The following LRCH3 variants were observed in gnomAD, a reference collection of about 807,000 sequenced individuals.
LRCH3 encodes leucine rich repeats and calponin homology domain containing 3.
A neutral mutation model predicts 104.5 loss-of-function variants in LRCH3; 68 were observed. The ratio of observed to expected loss-of-function variants is 0.65; its 90% CI spans 0.54 to 0.80. LRCH3 has a LOEUF of 0.80. Ranked by LOEUF, LRCH3 falls within the 30% of genes least tolerant of loss-of-function variation. The pLI, the probability that LRCH3 is intolerant of heterozygous loss-of-function variation, is 0.00. For missense variants in LRCH3, 951 were observed against 953.9 expected, an observed-to-expected ratio of 1.00 and a Z score of 0.04; for synonymous variants, 344 against 361.3, an observed-to-expected ratio of 0.95 and a Z score of 0.54.
rs1733057394 is a variant in LRCH3 at position 197,810,981 on chromosome 3, T to G, written c.263-3927T>G. Among the ~76,000 whole-genome samples the G allele has an allele frequency of 6.6e-6, 1 of 152,166 alleles. No homozygotes were observed. The highest frequency in any genetic ancestry group is 2.4e-5 in the African/African-American group (1 of 41,456). ...AGCTAAAATGATTTTTATTGCATTATCTCAGTAAAATTTTCATGGGAATGG... is the reference window on the plus strand; with the variant it reads ...AGCTAAAATGATTTTTATTGCATTAGCTCAGTAAAATTTTCATGGGAATGG... On this transcript the variant is annotated intron_variant, in intron 1 of 20. Transcript: ENST00000425562. This position sits in a 1 kb window ranked among gnomAD's most constrained non-coding sequence, Gnocchi z 4.0.
chr3:197,850,356 T>C (rs960206071), intron 12 of LRCH3: 9 of 905,622 alleles, frequency 9.9e-6, no homozygotes, highest in African/African-American at 8.6e-5. Flanking sequence ...TTTTTCTTTT[T>C]TTTTTTTTTT....
intron 10 of LRCH3, among the ~76,000 whole-genome samples, chr3:197,840,498 G>C (rs751335114): frequency 6.6e-6 from 1 of 152,186 alleles, no homozygotes; most frequent in East Asian, 1.9e-4. Context: ...TAGCTTGATC[G>C]TTTAGAGCAC....
intron 14 of LRCH3, among the ~76,000 whole-genome samples, chr3:197,855,921 A>G (rs986199410): frequency 6.6e-6 from 1 of 152,146 alleles, no homozygotes; most frequent in Non-Finnish European, 1.5e-5. Flanking sequence ...AAAACCTCAT[A>G]TTATCAAAAC....
intron 4 of LRCH3, among the ~76,000 whole-genome samples, chr3:197,820,837 A>AGT (rs1327532823): frequency 2.0e-5 from 3 of 150,966 alleles, no homozygotes; most frequent in East Asian, 1.9e-4. Context: ...AGAGAGAGAG[A>AGT]GTGTGTGTGT....
intron 9 of LRCH3, among the ~76,000 whole-genome samples, chr3:197,837,661 ATTT>A (rs749440877): frequency 2.3e-4 from 34 of 150,266 alleles, no homozygotes; most frequent in South Asian, 8.4e-4. Context: ...ACATGGTATG[ATTT>A]TTTTTTTAAT....
chr3:197,879,546 T>G (rs929132020), intron 20 of LRCH3, among the ~76,000 whole-genome samples: 5 of 151,584 alleles, frequency 3.3e-5, no homozygotes, highest in Non-Finnish European at 7.4e-5. Context: ...CTCGGGAGGC[T>G]GAGGCGGGAG....
intron 19 of LRCH3, among the ~76,000 whole-genome samples, chr3:197,872,057 GT>G (rs1712254960): frequency 6.6e-6 from 1 of 152,174 alleles, no homozygotes; most frequent in Non-Finnish European, 1.5e-5. Flanking sequence ...TCTAACTGCA[GT>G]TTAGAATGAC....
intron 19 of LRCH3, among the ~76,000 whole-genome samples, chr3:197,872,226 A>G (rs1039907025): frequency 6.6e-6 from 1 of 151,892 alleles, no homozygotes; most frequent in Non-Finnish European, 1.5e-5. Flanking sequence ...GTATGGTGGC[A>G]TGTGCCTATA....
chr3:197,835,634 GGTGTGTGTGT>G (rs372783553), intron 8 of LRCH3, 30 bp from the exon 9 acceptor site: 23 of 1,324,664 alleles, frequency 1.7e-5, no homozygotes, highest in Non-Finnish European at 2.1e-5. Context: ...GTTTTTTTCT[GGTGTGTGTGT>G]GTGTGTGGGT....
At chr3:197,850,351 C>CTTTTTTTTTTTTTT in intron 12 of LRCH3, 2 of 618,704 alleles carry the variant, frequency 3.2e-6, no homozygotes, top group East Asian at 6.5e-5. Flanking sequence ...ACCATTTTTT[C>CTTTTTTTTTTTTTT]TTTTTTTTTT....
At position 197,879,511 on chromosome 3, in the gene LRCH3, T is replaced by A. The variant is rs368443391; in HGVS notation, c.2208+3736T>A. On this transcript the variant is annotated intron_variant, in intron 20 of 20. Transcript: ENST00000425562. ...AATACAAAAAATTAGCCGGGCGTGG[T>A]GGCGGGCGCCTGTAGTCCCAGCTGC... 9.0e-4 allele frequency among the ~76,000 whole-genome samples: 136 copies of A among 151,380 alleles called. 5 individuals are homozygous for A. Among genetic ancestry groups the A allele is most frequent in the East Asian group, 8.5e-3 (44 of 5,174 alleles).
Position 197,871,339 on chromosome 3 carries a change from G to GT in LRCH3, c.2009dup (p.Leu670PhefsTer8). ...TGTTCTTTCAGCATATTGAGTACCG[G>GT]TTGAAAGTGTCTCTACCTTGTGATC... On this transcript the variant is annotated frameshift_variant, in exon 19 of 21. Transcript: ENST00000425562. LOFTEE classifies it high-confidence loss of function. 6.2e-7 allele frequency: 1 copy of GT among 1,613,258 alleles called. No homozygotes were observed. The highest frequency in any genetic ancestry group is 8.5e-7 in the Non-Finnish European group (1 of 1,179,506).
chr3:197,864,414 CCTGA>C (rs1386393261), intron 15 of LRCH3, among the ~76,000 whole-genome samples: 4 of 150,026 alleles, frequency 2.7e-5, no homozygotes, highest in African/African-American at 7.6e-5. Context: ...TCGAGAACGG[CCTGA>C]CTAACATGGA....
intron 20 of LRCH3, among the ~76,000 whole-genome samples, chr3:197,880,147 G>A (rs1007633061): frequency 1.9e-4 from 29 of 151,152 alleles, no homozygotes; most frequent in East Asian, 7.7e-4. Flanking sequence ...GGGTTTCACC[G>A]TGTTAGCCGG....
chr3:197,815,471 T>C (rs1733698414), intron 2 of LRCH3, among the ~76,000 whole-genome samples: 1 of 152,168 alleles, frequency 6.6e-6, no homozygotes, highest in African/African-American at 2.4e-5. Context: ...TGTAGTAAAG[T>C]GTGGTTTCTA....
chr3:197,819,334 C>CT (rs11318373), intron 3 of LRCH3, among the ~76,000 whole-genome samples: 6 of 147,104 alleles, frequency 4.1e-5, no homozygotes, highest in African/African-American at 1.0e-4. Context: ...ATGCTTTCAA[C>CT]TTTTTTTTTT....
Position 197,870,335 on chromosome 3 carries a change from C to A in LRCH3, c.1992+57C>A. 4.1e-6 allele frequency: 6 copies of A among 1,465,644 alleles called. No individual in the cohort carries two copies. The South Asian group carries it at 4.8e-5, about 12-fold the overall frequency. 90.8% of individuals were successfully genotyped at this position (1,465,644 alleles called of 1,614,324 possible). A position where few individuals can be genotyped will look rare whatever the true frequency, so the allele number is the denominator to read the frequency against. The stretch of plus-strand genomic sequence containing the variant: ...CAGTATTACTGCTATAGATCATAAT[C>A]CTGTGATCACGTCTTCATTTGACAC... On this transcript the variant is annotated intron_variant, in intron 18 of 20. Coordinates refer to ENST00000425562, the MANE Select transcript of LRCH3 (RefSeq NM_001365715.1).
At chr3:197,868,054 A>G (rs1008505793) in intron 17 of LRCH3, among the ~76,000 whole-genome samples, 2 of 152,100 alleles carry the variant, frequency 1.3e-5, no homozygotes, top group Non-Finnish European at 2.9e-5. Context: ...ACTTACCTTC[A>G]ATGTTACCAA....
At chr3:197,869,032 T>C (rs1711700530) in intron 17 of LRCH3, among the ~76,000 whole-genome samples, 1 of 152,252 alleles carries the variant, frequency 6.6e-6, no homozygotes, top group Non-Finnish European at 1.5e-5. Context: ...AACTGGGTAA[T>C]GAACATTACA....
Sources: gnomAD v4.1 joint callset for allele counts (sites outside exome capture counted in the v4.1 genomes callset) on GRCh38, gnomAD v4.1.1 for gene constraint, Gnocchi (gnomAD v3.1) non-coding constraint, MANE v1.5 for transcripts, NCBI Gene and HGNC (gene_info 2026-07-23, HGNC 2026-07-21) for gene names.